The following COL5A1 variants were observed in gnomAD, a reference collection of about 807,000 sequenced individuals.
The protein encoded by COL5A1 is collagen type V alpha 1 chain.
In COL5A1, 16 loss-of-function variants were observed where a neutral mutation model predicts 263.7. The observed-to-expected ratio is 0.06, with a 90% CI of 0.04 to 0.09. The LOEUF (loss-of-function observed/expected upper bound fraction) is 0.09, where lower values mean the gene tolerates loss of function less well. Among genes scored for constraint, COL5A1 ranks in the 10% least tolerant of loss-of-function variants. The pLI is 1.00. For missense variants in COL5A1, 2,036 were observed against 2,540.5 expected (o/e 0.80, Z 4.27); for synonymous variants, 1,012 against 1,004.5 (o/e 1.01, Z -0.14).
intron 1 of COL5A1, among the ~76,000 whole-genome samples, chr9:134,669,440 A>C (rs1832473117): frequency 6.6e-6 from 1 of 151,476 alleles, no homozygotes; most frequent in Admixed American, 6.6e-5. Flanking sequence ...TTGTCATAGC[A>C]CTGGGCTGCC....
rs528913410 is a variant in COL5A1 at position 134,803,007 on chromosome 9, G to C, written c.3114+12G>C. Reference sequence around the variant, plus strand: ...AAGAAGGGACGAAGGTGAGTTTCTGGAGCCTTCTGTGTCAGCTCAGGCGTT... The same window carrying C: ...AAGAAGGGACGAAGGTGAGTTTCTGCAGCCTTCTGTGTCAGCTCAGGCGTT... On this transcript the variant is annotated intron_variant, in intron 39 of 65. Transcript: ENST00000371817. The C allele has an allele frequency of 1.5e-4, 235 of 1,580,232 alleles. No homozygotes were observed. The highest frequency in any genetic ancestry group is 2.0e-4 in the Non-Finnish European group (227 of 1,160,812).
At chr9:134,782,531 A>T in intron 28 of COL5A1, 136 bp from the exon 29 acceptor site, 1 of 838,644 alleles carries the variant, frequency 1.2e-6, no homozygotes, top group Non-Finnish European at 2.1e-6. Flanking sequence ...CCCCAAGCCC[A>T]CCCCGTCCGG....
chr9:134,812,812 GCA>G, intron 48 of COL5A1, 100 bp downstream of exon 48: 1 of 852,574 alleles, frequency 1.2e-6, no homozygotes, highest in South Asian at 1.4e-5. Flanking sequence ...ATGTGCGCAT[GCA>G]CACGCTTGTG....
chr9:134,791,987 G>C (rs1440827525), intron 32 of COL5A1, among the ~76,000 whole-genome samples: 1 of 152,218 alleles, frequency 6.6e-6, no homozygotes, highest in South Asian at 2.1e-4. Flanking sequence ...GTCTGACCCA[G>C]AAGGTCCAGG....
chr9:134,833,706 C>G (rs905116241), intron 64 of COL5A1, among the ~76,000 whole-genome samples: 1 of 152,246 alleles, frequency 6.6e-6, no homozygotes, highest in African/African-American at 2.4e-5. Context: ...CTCACTACAG[C>G]TGGCCCGCTC....
chr9:134,770,035 C>T (rs1836820618), intron 25 of COL5A1, among the ~76,000 whole-genome samples: 1 of 152,156 alleles, frequency 6.6e-6, no homozygotes, highest in Non-Finnish European at 1.5e-5. Context: ...GTCCCTTCCC[C>T]AGCCCGAATT....
At chr9:134,759,506 C>A (rs1201438692) in intron 18 of COL5A1, among the ~76,000 whole-genome samples, 1 of 135,452 alleles carries the variant, frequency 7.4e-6, no homozygotes, top group African/African-American at 3.1e-5. Context: ...TACACACATG[C>A]ACACACACAT....
At chr9:134,795,205 A>G in intron 33 of COL5A1, 57 bp from the exon 34 acceptor site, 4 of 1,612,878 alleles carry the variant, frequency 2.5e-6, no homozygotes, top group Non-Finnish European at 3.4e-6. Flanking sequence ...GGCTGGGGGA[A>G]GGCAGTGTCT....
At chr9:134,701,799 C>T (rs564205504) in intron 4 of COL5A1, among the ~76,000 whole-genome samples, 1 of 152,346 alleles carries the variant, frequency 6.6e-6, no homozygotes, top group East Asian at 1.9e-4. Context: ...GGGCTGGCCT[C>T]ACTCCAGTCT....
chr9:134,776,858 T>C (rs1401015590), intron 27 of COL5A1, among the ~76,000 whole-genome samples: 1 of 152,182 alleles, frequency 6.6e-6, no homozygotes, highest in Non-Finnish European at 1.5e-5. Context: ...GTCTAGTTCC[T>C]TGATGGTCCC....
rs775559638 is a variant in COL5A1, at chr9:134,809,219, G to T, written c.3403G>T (p.Gly1135Cys). ...CCCACAAGGCCCAGCTGGCCGAGAC[G>T]GTCTCCAGGGGCCTGTGGGGCTCCC... is the stretch of plus-strand genomic sequence containing the variant. ...KGPQGPAGRDGLQGPVGLPGP... is the reference protein window; with the variant it reads ...KGPQGPAGRDCLQGPVGLPGP... Residue 1135 changes from glycine (G) to cysteine (C), a missense_variant, in exon 43 of 66, where the codon GGT (glycine) becomes TGT (cysteine). Coordinates refer to ENST00000371817, the MANE Select transcript of COL5A1 (RefSeq NM_000093.5). 6.2e-7 allele frequency: 1 copy of T among 1,602,332 alleles called. No homozygotes were observed. Among genetic ancestry groups the T allele is most frequent in the East Asian group, 2.2e-5 (1 of 44,460 alleles).
chr9:134,690,828 G>A, intron 1 of COL5A1, 84 bp from the exon 2 acceptor site: 3 of 1,523,762 alleles, frequency 2.0e-6, no homozygotes, highest in Non-Finnish European at 2.7e-6. Context: ...GGGTGGGGGT[G>A]CTTCCTGTCA....
intron 53 of COL5A1, 89 bp downstream of exon 53, chr9:134,817,168 T>A (rs1838788444): frequency 8.4e-7 from 1 of 1,189,772 alleles, no homozygotes. Context: ...GGGCCCTGGG[T>A]GCTCTAAGCT....
rs143572712 is a variant in COL5A1, at chr9:134,838,109, G to A, written c.5370+2905G>A. On this transcript the variant is annotated intron_variant, in intron 65 of 65. Coordinates refer to ENST00000371817, the MANE Select transcript of COL5A1 (RefSeq NM_000093.5). ...CCCATCGCCTCCTGGGTCTGGTCCC[G>A]TCAGCCATGCAGAGGGAACCGGGTT... Among the ~76,000 whole-genome samples, 281 of 152,264 alleles carry A rather than the reference G, an allele frequency of 1.8e-3. 1 individual carries two copies. The highest frequency in any genetic ancestry group is 6.2e-3 in the African/African-American group (258 of 41,570).
rs966233702 is a variant in COL5A1, at chr9:134,716,933, C to T, written c.655-10333C>T. 5.3e-5 allele frequency among the ~76,000 whole-genome samples: 8 copies of T among 152,132 alleles called. No homozygotes were observed. Among genetic ancestry groups the T allele is most frequent in the Non-Finnish European group, 1.2e-4 (8 of 68,034 alleles). On this transcript the variant is annotated intron_variant, in intron 4 of 65. Transcript: ENST00000371817. The surrounding 1 kb of genome is among the most constrained non-coding windows in gnomAD (Gnocchi z 4.5). The stretch of plus-strand genomic sequence containing the variant: ...GGCGGGGACAGCAGAAAGCAATTTC[C>T]GACGACATGAAAATATTTCTCTGAC...
intron 4 of COL5A1, among the ~76,000 whole-genome samples, chr9:134,711,299 C>G (rs1834035950): frequency 6.6e-6 from 1 of 152,060 alleles, no homozygotes; most frequent in Non-Finnish European, 1.5e-5. Flanking sequence ...GGTGACACCC[C>G]ACTTGCAGGG....
intron 17 of COL5A1, 29 bp downstream of exon 17, chr9:134,756,847 C>T: frequency 1.2e-6 from 2 of 1,604,864 alleles, no homozygotes; most frequent in East Asian, 2.2e-5. Context: ...TCCTGGTGCC[C>T]TGGCATCACT....
In COL5A1 at chr9:134,701,342, G is replaced by T. The variant is rs1221392087; in HGVS notation, c.654+9G>T. Reference sequence around the variant, plus strand: ...ATGAGGAGGTGTTTGAGGTGAGCAGGAGGGCAGACCAACCCCTGTGCCCAC... The same window carrying T: ...ATGAGGAGGTGTTTGAGGTGAGCAGTAGGGCAGACCAACCCCTGTGCCCAC... On this transcript the variant is annotated intron_variant, in intron 4 of 65. Transcript: ENST00000371817. 2 of 1,612,846 alleles carry T rather than the reference G, an allele frequency of 1.2e-6. No individual in the cohort carries two copies. Among genetic ancestry groups the T allele is most frequent in the Non-Finnish European group, 1.7e-6 (2 of 1,179,628 alleles).
intron 46 of COL5A1, 40 bp from the exon 47 acceptor site, chr9:134,812,409 T>C: frequency 6.2e-7 from 1 of 1,607,360 alleles, no homozygotes; most frequent in Non-Finnish European, 8.5e-7. Flanking sequence ...GACATACACA[T>C]GACAGAACAG....
Sources: allele counts gnomAD v4.1 joint callset (sites outside exome capture counted in the v4.1 genomes callset), GRCh38; gene constraint gnomAD v4.1.1; non-coding constraint Gnocchi (gnomAD v3.1); transcripts MANE v1.5; gene names NCBI Gene and HGNC (gene_info 2026-07-23, HGNC 2026-07-21).